The following CYP51A1 variants were observed in gnomAD, a reference collection of about 807,000 sequenced individuals.
CYP51A1 encodes the protein lanosterol 14-alpha demethylase.
A neutral mutation model predicts 53.5 loss-of-function variants in CYP51A1; 45 were observed. That is an observed-to-expected ratio of 0.84 (90% CI 0.66 to 1.08). CYP51A1 has a LOEUF of 1.08. Ranked by LOEUF, CYP51A1 falls within the 50% of genes least tolerant of loss-of-function variation. The probability of loss-of-function intolerance (pLI) is 0.00; values close to 1 mark genes in which losing one functional copy is unlikely to be tolerated. For missense variants in CYP51A1, 462 were observed against 621.7 expected (o/e 0.74, Z 2.73); for synonymous variants, 181 against 217.7 (o/e 0.83, Z 1.48).
At chr7:92,129,131 A>T in intron 2 of CYP51A1, 75 bp from the exon 3 acceptor site, 2 of 865,416 alleles carry the variant, frequency 2.3e-6, no homozygotes, top group Non-Finnish European at 3.4e-6. Context: ...TTAAAATCAC[A>T]AAATAATGCA....
intron 4 of CYP51A1, 55 bp downstream of exon 4, chr7:92,127,445 CTACTT>C (rs1819822571): frequency 5.3e-6 from 8 of 1,514,282 alleles, no homozygotes; most frequent in African/African-American, 1.4e-5. Flanking sequence ...CATATATACT[CTACTT>C]TTCTATTCAC....
intron 2 of CYP51A1, among the ~76,000 whole-genome samples, chr7:92,131,155 T>C (rs1310200831): frequency 1.3e-5 from 2 of 152,036 alleles, no homozygotes; most frequent in Non-Finnish European, 2.9e-5. Flanking sequence ...GAATGCAAGA[T>C]CCAATGAGGT....
intron 3 of CYP51A1, among the ~76,000 whole-genome samples, chr7:92,128,463 C>CGT (rs201367686): frequency 0.14 from 16,390 of 115,778 alleles, 1,033 homozygotes; most frequent in East Asian, 0.39. Context: ...TGTGCGCGTG[C>CGT]GTGTGTGTGT....
At chr7:92,124,330 G>A (rs1471084420) in intron 5 of CYP51A1, among the ~76,000 whole-genome samples, 1 of 152,120 alleles carries the variant, frequency 6.6e-6, no homozygotes, top group African/African-American at 2.4e-5. Context: ...GAAAATACTA[G>A]CAGATTCAGA....
intron 9 of CYP51A1, 107 bp downstream of exon 9, chr7:92,116,937 C>T: frequency 8.5e-7 from 1 of 1,178,426 alleles, no homozygotes; most frequent in Non-Finnish European, 1.2e-6. Flanking sequence ...AAAAATGTCC[C>T]TATGAGGAAA....
rs1381645352 is a variant in CYP51A1 at position 92,128,992 on chromosome 7, G to C, written c.356C>G (p.Ala119Gly). ...TTTACTATTAAAAAGCAGTGCAGCAGCATCACTCCCCAGAAGGTAAGTAAA... is the reference window on the plus strand; with the variant it reads ...TTTACTATTAAAAAGCAGTGCAGCACCATCACTCCCCAGAAGGTAAGTAAA... ...KTFTYLLGSD[A>G]AALLFNSKNE... The change falls in exon 3 of 10, where the codon GCT becomes GGT. Residue 119 changes from alanine (A) to glycine (G), a missense_variant. By Grantham distance (60) the Ala-to-Gly change is moderately conservative. Transcript: ENST00000003100. The C allele has an allele frequency of 6.2e-7, 1 of 1,613,758 alleles. No homozygotes were observed. Among genetic ancestry groups the C allele is most frequent in the South Asian group, 1.1e-5 (1 of 91,076 alleles).
intron 7 of CYP51A1, among the ~76,000 whole-genome samples, chr7:92,120,205 A>G (rs1819662809): frequency 6.6e-6 from 1 of 152,246 alleles, no homozygotes; most frequent in Non-Finnish European, 1.5e-5. Flanking sequence ...TGGCGATACA[A>G]TGCAATCATT....
At chr7:92,123,073 A>G in intron 7 of CYP51A1, 47 bp downstream of exon 7, 1 of 1,437,008 alleles carries the variant, frequency 7.0e-7, no homozygotes, top group Admixed American at 2.0e-5. Flanking sequence ...TTAGCCACAG[A>G]TCCTCAAAGT....
intron 1 of CYP51A1, among the ~76,000 whole-genome samples, chr7:92,132,303 G>A (rs2282974): frequency 0.4 from 60,559 of 151,988 alleles, 12,370 homozygotes; most frequent in African/African-American, 0.46. Context: ...GGATCCTCAA[G>A]TCCCTTATAT....
intron 9 of CYP51A1, among the ~76,000 whole-genome samples, chr7:92,115,119 A>G (rs569324685): frequency 2.1e-4 from 32 of 152,338 alleles, no homozygotes; most frequent in Middle Eastern, 3.4e-3. Context: ...AAAATGTAAT[A>G]TTATGAAAAT....
At chr7:92,126,212 C>A in intron 5 of CYP51A1, 41 bp downstream of exon 5, 1 of 1,415,968 alleles carries the variant, frequency 7.1e-7, no homozygotes, top group Non-Finnish European at 9.4e-7. Context: ...AATAATTATA[C>A]AAAGTTAAAT....
intron 2 of CYP51A1, 90 bp from the exon 3 acceptor site, chr7:92,129,146 T>TA (rs1268166877): frequency 2.7e-6 from 2 of 730,700 alleles, no homozygotes; most frequent in Non-Finnish European, 4.3e-6. Context: ...AATGCATTAT[T>TA]AAAAAAATAA....
At chr7:92,120,377 A>G (rs1221809077) in intron 7 of CYP51A1, among the ~76,000 whole-genome samples, 1 of 152,248 alleles carries the variant, frequency 6.6e-6, no homozygotes, top group Non-Finnish European at 1.5e-5. Flanking sequence ...ACGTAATGGC[A>G]TCAGACTAAA....
Position 92,125,013 on chromosome 7 carries a change from G to A in CYP51A1, c.771-1160C>T, listed in dbSNP as rs184940273. On this transcript the variant is annotated intron_variant, in intron 5 of 9. Transcript: ENST00000003100. ...AAAACAATTAGCCAGGCTTGGTGGC[G>A]GGTGCCTGTAGTCCCAGCTACTCGG... Among the ~76,000 whole-genome samples the A allele has an allele frequency of 5.2e-3, 794 of 152,058 alleles. 2 individuals are homozygous for A. The highest frequency in any genetic ancestry group is 7.8e-3 in the Non-Finnish European group (532 of 67,946).
chr7:92,130,344 G>C (rs1163658588), intron 2 of CYP51A1, among the ~76,000 whole-genome samples: 1 of 152,142 alleles, frequency 6.6e-6, no homozygotes, highest in Non-Finnish European at 1.5e-5. Flanking sequence ...TTTATATACA[G>C]GGCAGAGAAG....
At position 92,113,704 on chromosome 7, in the gene CYP51A1, A is replaced by T. The variant is rs139310937; in HGVS notation, c.1491T>A (p.Pro497=). ...TVNYTTMIHT[P]ENPVIRYKRR... is the part of the protein sequence containing the mutation. ...GTTTGTAACGGATAACTGGGTTTTC[A>T]GGGGTGTGAATCATAGTTGTATAAT... Residue 497 remains proline (P), a synonymous_variant, in exon 10 of 10, where the codon CCT becomes CCA. Coordinates refer to ENST00000003100, the MANE Select transcript of CYP51A1 (RefSeq NM_000786.4). 9.3e-5 allele frequency: 150 copies of T among 1,611,842 alleles called. No individual in the cohort carries two copies. The Admixed American group carries it at 2.5e-3, about 26-fold the overall frequency.
At chr7:92,123,028 G>T in intron 7 of CYP51A1, 92 bp downstream of exon 7, 1 of 935,740 alleles carries the variant, frequency 1.1e-6, no homozygotes, top group Non-Finnish European at 1.6e-6. Flanking sequence ...TTAAGCTATA[G>T]TATATAGAAA....
At chr7:92,127,662 A>G in intron 3 of CYP51A1, 31 bp from the exon 4 acceptor site, 1 of 1,609,514 alleles carries the variant, frequency 6.2e-7, no homozygotes, top group Non-Finnish European at 8.5e-7. Flanking sequence ...GGGATACGGC[A>G]TTAAAACACA....
intron 8 of CYP51A1, among the ~76,000 whole-genome samples, chr7:92,117,963 G>C (rs1325495141): frequency 5.1e-4 from 77 of 150,152 alleles, no homozygotes; most frequent in Non-Finnish European, 1.0e-3. Context: ...ACTCCAGCCT[G>C]GGCAACAAGA....
Sources: allele counts gnomAD v4.1 joint callset (sites outside exome capture counted in the v4.1 genomes callset), GRCh38; gene constraint gnomAD v4.1.1; transcripts MANE v1.5; gene names NCBI Gene and HGNC (gene_info 2026-07-23, HGNC 2026-07-21).